TUSC3: variants seen among roughly 807,000 people sequenced by gnomAD.
The protein encoded by TUSC3 is tumor suppressor candidate 3.
In TUSC3, 45 loss-of-function variants were observed where a neutral mutation model predicts 44.8. The ratio of observed to expected loss-of-function variants is 1.00; its 90% confidence interval spans 0.79 to 1.29. The LOEUF is 1.29. Among genes scored for constraint, TUSC3 ranks in the 50% most tolerant of loss-of-function variants. TUSC3 has a pLI of 0.00. For missense variants in TUSC3, 519 were observed against 437.9 expected, an observed-to-expected ratio of 1.19 and a Z score of -1.65; for synonymous variants, 212 against 152.9, an observed-to-expected ratio of 1.39 and a Z score of -2.85.
intron 5 of TUSC3, among the ~76,000 whole-genome samples, chr8:15,669,636 T>G (rs1807852199): frequency 6.6e-6 from 1 of 151,886 alleles, no homozygotes; most frequent in African/African-American, 2.4e-5. Context: ...CTTTGATACA[T>G]GCATATCAGC....
the TUSC3 span, among the ~76,000 whole-genome samples, chr8:15,778,634 A>G: frequency 2.2e-4 from 33 of 152,224 alleles, no homozygotes; most frequent in Non-Finnish European, 4.9e-4. Context: ...ATGATTCTTT[A>G]TGTATCACTT....
intron 1 of TUSC3, among the ~76,000 whole-genome samples, chr8:15,428,075 C>T (rs1194343246): frequency 2.7e-5 from 4 of 150,178 alleles, no homozygotes; most frequent in Non-Finnish European, 4.4e-5. Context: ...CCCATTAACT[C>T]GTCATTTAGC....
chr8:15,724,038 A>G (rs1263290114), intron 6 of TUSC3, among the ~76,000 whole-genome samples: 1 of 152,122 alleles, frequency 6.6e-6, no homozygotes, highest in South Asian at 2.1e-4. Context: ...TTAACTGTAA[A>G]TAAGCTCATG....
At chr8:15,785,622 C>G in the TUSC3 span, among the ~76,000 whole-genome samples, 1 of 152,144 alleles carries the variant, frequency 6.6e-6, no homozygotes, top group Admixed American at 6.6e-5. Context: ...AGCACTGCAA[C>G]ACCTCTCCAC....
chr8:15,521,647 A>G (rs543952293), intron 2 of TUSC3, among the ~76,000 whole-genome samples: 28 of 152,328 alleles, frequency 1.8e-4, no homozygotes, highest in African/African-American at 6.5e-4. Flanking sequence ...ATAAACTTTA[A>G]GAAAGTTTAC....
intron 10 of TUSC3, among the ~76,000 whole-genome samples, chr8:15,759,209 G>T (rs1420361395): frequency 6.6e-6 from 1 of 152,008 alleles, no homozygotes; most frequent in Admixed American, 6.6e-5. Context: ...TTTCCCGTTT[G>T]CACCTTTTTT....
At chr8:15,834,408 G>A in the TUSC3 span, among the ~76,000 whole-genome samples, 6 of 152,128 alleles carry the variant, frequency 3.9e-5, no homozygotes, top group Non-Finnish European at 5.9e-5. Context: ...TGACCATAGC[G>A]GATACCTTTG....
chr8:15,474,864 C>T (rs184700630), intron 1 of TUSC3, among the ~76,000 whole-genome samples: 12 of 152,272 alleles, frequency 7.9e-5, no homozygotes, highest in Middle Eastern at 6.8e-3. Flanking sequence ...CAACCCTGAC[C>T]GTCTGTACTA....
chr8:15,787,793 A>C, the TUSC3 span, among the ~76,000 whole-genome samples: 2 of 152,320 alleles, frequency 1.3e-5, no homozygotes, highest in South Asian at 4.1e-4. Context: ...CCCAGAGGTG[A>C]TATTAAGACC....
chr8:15,661,226 C>T (rs1324126065), intron 4 of TUSC3, among the ~76,000 whole-genome samples: 2 of 152,022 alleles, frequency 1.3e-5, no homozygotes, highest in Admixed American at 6.6e-5. Flanking sequence ...TGAGCTACCA[C>T]TACCCATATT....
chr8:15,514,634 T>C (rs926329081), intron 2 of TUSC3, among the ~76,000 whole-genome samples: 2 of 152,230 alleles, frequency 1.3e-5, no homozygotes, highest in Admixed American at 6.5e-5. Flanking sequence ...TGGCTTTTGA[T>C]ATGGAAGAGC....
intron 2 of TUSC3, among the ~76,000 whole-genome samples, chr8:15,498,756 G>A (rs954035000): frequency 6.6e-6 from 1 of 152,072 alleles, no homozygotes; most frequent in African/African-American, 2.4e-5. Flanking sequence ...TTGAAATAAG[G>A]GTTTTCTTCC....
At chr8:15,783,586 T>A in the TUSC3 span, among the ~76,000 whole-genome samples, 8 of 152,170 alleles carry the variant, frequency 5.3e-5, no homozygotes, top group Non-Finnish European at 5.9e-5. Flanking sequence ...CTATGGTCAA[T>A]TGATTTTTGA....
At chr8:15,452,625 C>T (rs955140331) in intron 1 of TUSC3, among the ~76,000 whole-genome samples, 3 of 152,142 alleles carry the variant, frequency 2.0e-5, no homozygotes, top group Non-Finnish European at 4.4e-5. Context: ...CTTACGTCTG[C>T]CTTGCTTTGT....
At chr8:15,465,096 C>T (rs1312401832) in intron 1 of TUSC3, among the ~76,000 whole-genome samples, 2 of 152,188 alleles carry the variant, frequency 1.3e-5, no homozygotes, top group Non-Finnish European at 2.9e-5. Context: ...GATCCACCTG[C>T]CTTGGCTCCC....
Position 15,638,125 on chromosome 8 carries a change from C to T in TUSC3, c.309-12572C>T, listed in dbSNP as rs958194680. Among the ~76,000 whole-genome samples the T allele has an allele frequency of 2.0e-5, 3 of 152,136 alleles. No individual in the cohort carries two copies. In the East Asian group the frequency reaches 5.8e-4, roughly 29 times the overall value. Reference sequence around the variant, plus strand: ...GACCTGTTCTCAGTGTTTTCAAATTCAGCTGAGATTCTGTCTTTCTTGGGG... The same window carrying T: ...GACCTGTTCTCAGTGTTTTCAAATTTAGCTGAGATTCTGTCTTTCTTGGGG... On this transcript the variant is annotated intron_variant, in intron 2 of 10. Transcript: ENST00000503731.
intron 1 of TUSC3, among the ~76,000 whole-genome samples, chr8:15,439,578 A>G (rs1329178394): frequency 1.3e-5 from 2 of 152,158 alleles, no homozygotes; most frequent in South Asian, 2.1e-4. Flanking sequence ...AAAAACAAAA[A>G]CAGAAAAACA....
the TUSC3 span, among the ~76,000 whole-genome samples, chr8:15,836,793 T>G: frequency 8.3e-4 from 126 of 152,336 alleles, no homozygotes; most frequent in Admixed American, 3.5e-3. Flanking sequence ...CTTTAAATGA[T>G]ATGCTTTTAA....
chr8:15,653,169 T>C (rs1387347157), intron 3 of TUSC3, among the ~76,000 whole-genome samples: 4 of 152,170 alleles, frequency 2.6e-5, no homozygotes, highest in African/African-American at 2.4e-5. Context: ...GGTGTCATTG[T>C]TGAGGAAGCA....
Sources: gnomAD v4.1 joint callset for allele counts (sites outside exome capture counted in the v4.1 genomes callset) on GRCh38, gnomAD v4.1.1 for gene constraint, MANE v1.5 for transcripts, NCBI Gene and HGNC (gene_info 2026-07-23, HGNC 2026-07-21) for gene names.